Variants in EFNA5 observed in about 807,000 individuals in gnomAD.
The protein encoded by EFNA5 is ephrin A5.
A neutral mutation model predicts 22.9 loss-of-function variants in EFNA5; 5 were observed. The ratio of observed to expected loss-of-function variants is 0.22; its 90% CI spans 0.11 to 0.46. The LOEUF (loss-of-function observed/expected upper bound fraction) is 0.46, where lower values mean the gene tolerates loss of function less well. EFNA5 is among the 20% of genes least tolerant of loss of function. EFNA5 has a pLI of 0.99. For synonymous variants in EFNA5, 113 were observed against 112.2 expected (o/e 1.01, Z -0.04); for missense variants, 237 against 293.3 (o/e 0.81, Z 1.40).
At chr5:107,599,260 A>G (rs915183313) in intron 1 of EFNA5, among the ~76,000 whole-genome samples, 2 of 152,212 alleles carry the variant, frequency 1.3e-5, no homozygotes, top group African/African-American at 4.8e-5. Context: ...ACATCTATAC[A>G]ATAAAGTGGT....
rs188862919 is a variant in EFNA5 at position 107,624,113 on chromosome 5, G to C, written c.125+46376C>G. Among the ~76,000 whole-genome samples, 453 of 152,126 alleles carry C rather than the reference G, an allele frequency of 3.0e-3. 3 individuals are homozygous for C. The Middle Eastern group carries it at 0.031, about 10-fold the overall frequency. On this transcript the variant is annotated intron_variant, in intron 1 of 4. Coordinates refer to ENST00000333274, the MANE Select transcript of EFNA5 (RefSeq NM_001962.3). Reference sequence around the variant, plus strand: ...TACAATATCACTAAGTGTCACCCTAGTTTTGTCAGGGCATTCATCCTACCT... The same window carrying C: ...TACAATATCACTAAGTGTCACCCTACTTTTGTCAGGGCATTCATCCTACCT...
At chr5:107,595,244 T>C (rs1355290276) in intron 1 of EFNA5, among the ~76,000 whole-genome samples, 1 of 152,146 alleles carries the variant, frequency 6.6e-6, no homozygotes, top group Non-Finnish European at 1.5e-5. Context: ...ACCTAATTAA[T>C]AGTGAAATAT....
intron 2 of EFNA5, among the ~76,000 whole-genome samples, chr5:107,401,767 T>C (rs1347344555): frequency 2.0e-5 from 3 of 152,202 alleles, no homozygotes; most frequent in African/African-American, 4.8e-5. Flanking sequence ...CTAGCTGCTT[T>C]TGCAGGGCCA....
chr5:107,465,348 T>C (rs1318859104), intron 1 of EFNA5, among the ~76,000 whole-genome samples: 2 of 152,190 alleles, frequency 1.3e-5, no homozygotes, highest in African/African-American at 2.4e-5. Flanking sequence ...CCCTGTTTCC[T>C]AGATCTTGTT....
chr5:107,553,861 T>G (rs1748352598), intron 1 of EFNA5, among the ~76,000 whole-genome samples: 1 of 152,158 alleles, frequency 6.6e-6, no homozygotes, highest in African/African-American at 2.4e-5. Flanking sequence ...CAGAGTCAGT[T>G]AAAAAGGCAT....
At chr5:107,656,642 T>C (rs1299437630) in intron 1 of EFNA5, among the ~76,000 whole-genome samples, 1 of 152,156 alleles carries the variant, frequency 6.6e-6, no homozygotes. Context: ...CCCCAATTTA[T>C]TGAAGTATGA....
At chr5:107,664,817 T>G (rs1432310614) in intron 1 of EFNA5, among the ~76,000 whole-genome samples, 1 of 152,190 alleles carries the variant, frequency 6.6e-6, no homozygotes, top group Non-Finnish European at 1.5e-5. Context: ...GAATGCTATT[T>G]TAACAGTTTG....
chr5:107,509,507 A>ATT (rs1210214886), intron 1 of EFNA5, among the ~76,000 whole-genome samples: 1 of 80,784 alleles, frequency 1.2e-5, no homozygotes, highest in African/African-American at 4.6e-5. Context: ...TTTTTTTTGT[A>ATT]TTTTTAGTGG....
chr5:107,571,671 C>T (rs1457218687), intron 1 of EFNA5, among the ~76,000 whole-genome samples: 1 of 152,070 alleles, frequency 6.6e-6, no homozygotes, highest in African/African-American at 2.4e-5. Flanking sequence ...CAATTGCCAG[C>T]CGTGGAATTT....
At chr5:107,482,795 GCT>G (rs34075560) in intron 1 of EFNA5, among the ~76,000 whole-genome samples, 6,325 of 127,674 alleles carry the variant, frequency 0.05, 276 homozygotes, top group East Asian at 0.12. Flanking sequence ...CTTTTTGGCT[GCT>G]CTCTCTCTCT....
At position 107,418,232 on chromosome 5, in the gene EFNA5, C is replaced by A. The variant is rs574907723; in HGVS notation, c.418+8985G>T. On this transcript the variant is annotated intron_variant, in intron 2 of 4. Coordinates refer to ENST00000333274, the MANE Select transcript of EFNA5 (RefSeq NM_001962.3). ...TCAATGAAGTATAAACACTGTTATTCCAAGTGTCACTGGTGTGTTATTTCC... is the reference window on the plus strand; with the variant it reads ...TCAATGAAGTATAAACACTGTTATTACAAGTGTCACTGGTGTGTTATTTCC... Among the ~76,000 whole-genome samples, 76 of 152,252 alleles carry A rather than the reference C, an allele frequency of 5.0e-4. No individual in the cohort carries two copies. The South Asian group carries it at 8.9e-3, about 18-fold the overall frequency.
intron 1 of EFNA5, among the ~76,000 whole-genome samples, chr5:107,477,250 A>G (rs1054899346): frequency 2.0e-5 from 3 of 152,162 alleles, no homozygotes; most frequent in African/African-American, 7.2e-5. Flanking sequence ...ACTAATCATA[A>G]TATTAACATA....
chr5:107,436,398 T>A (rs1749112042), intron 1 of EFNA5, among the ~76,000 whole-genome samples: 1 of 152,098 alleles, frequency 6.6e-6, no homozygotes, highest in African/African-American at 2.4e-5. Context: ...TGTGTCAACG[T>A]CAACAGGGCC....
chr5:107,477,895 T>C (rs1180144305), intron 1 of EFNA5, among the ~76,000 whole-genome samples: 3 of 152,148 alleles, frequency 2.0e-5, no homozygotes, highest in African/African-American at 7.2e-5. Flanking sequence ...TTCCCCTTGG[T>C]TTTGAAACTC....
intron 2 of EFNA5, among the ~76,000 whole-genome samples, chr5:107,396,192 G>A (rs570528039): frequency 6.6e-6 from 1 of 152,258 alleles, no homozygotes; most frequent in African/African-American, 2.4e-5. Context: ...CTTGGTGAGG[G>A]CTCTTTTAAG....
At chr5:107,501,833 A>C (rs1008765250) in intron 1 of EFNA5, among the ~76,000 whole-genome samples, 8 of 152,242 alleles carry the variant, frequency 5.3e-5, no homozygotes, top group Non-Finnish European at 1.2e-4. Flanking sequence ...GCCATTAAAC[A>C]AACAAAAAAC....
At chr5:107,416,749 G>A (rs926153578) in intron 2 of EFNA5, among the ~76,000 whole-genome samples, 3 of 152,120 alleles carry the variant, frequency 2.0e-5, no homozygotes, top group African/African-American at 7.2e-5. Flanking sequence ...ACTGTATATA[G>A]TAAGACCTCT....
chr5:107,479,856 A>G (rs931749049), intron 1 of EFNA5, among the ~76,000 whole-genome samples: 2 of 152,218 alleles, frequency 1.3e-5, no homozygotes. Flanking sequence ...TCCAGAGCTC[A>G]TGGTCTTAAT....
chr5:107,407,824 G>A (rs2112397502), intron 2 of EFNA5, among the ~76,000 whole-genome samples: 1 of 152,192 alleles, frequency 6.6e-6, no homozygotes, highest in Non-Finnish European at 1.5e-5. Flanking sequence ...AACTATGAAA[G>A]GTTATGGCTA....
Sources: allele counts gnomAD v4.1 joint callset (sites outside exome capture counted in the v4.1 genomes callset), GRCh38; gene constraint gnomAD v4.1.1; transcripts MANE v1.5; gene names NCBI Gene and HGNC (gene_info 2026-07-23, HGNC 2026-07-21).